Variants in C12orf42 observed in about 807,000 individuals in gnomAD.
C12orf42 encodes chromosome 12 open reading frame 42.
C12orf42 carries 25 observed loss-of-function variants against 21.6 expected under a neutral mutation model. That is an observed-to-expected ratio of 1.16 (90% CI 0.84 to 1.62). The LOEUF is 1.62. Among genes scored for constraint, C12orf42 ranks in the 40% most tolerant of loss-of-function variants. The probability of loss-of-function intolerance (pLI) is 0.00; values close to 1 mark genes in which losing one functional copy is unlikely to be tolerated. For synonymous variants in C12orf42, 174 were observed against 175.0 expected, an observed-to-expected ratio of 0.99 and a Z score of 0.05; for missense variants, 483 against 459.3, an observed-to-expected ratio of 1.05 and a Z score of -0.47.
chr12:103,386,988 A>T (rs10745963), intron 3 of C12orf42, among the ~76,000 whole-genome samples: 86,578 of 152,060 alleles, frequency 0.57, 25,896 homozygotes, highest in Admixed American at 0.69. Context: ...TCCACATCCC[A>T]TTCAAATCCC....
chr12:103,409,228 T>C (rs2048644851), intron 2 of C12orf42, among the ~76,000 whole-genome samples: 1 of 152,174 alleles, frequency 6.6e-6, no homozygotes, highest in East Asian at 1.9e-4. Context: ...TCAGTGGTAA[T>C]GTTAGCAGGG....
chr12:103,072,394 C>T, the C12orf42 span, among the ~76,000 whole-genome samples: 4 of 151,602 alleles, frequency 2.6e-5, no homozygotes, highest in South Asian at 2.1e-4. Context: ...TCATTAATCT[C>T]GGAAACTTCT....
At chr12:103,138,643 A>C in the C12orf42 span, among the ~76,000 whole-genome samples, 1 of 152,150 alleles carries the variant, frequency 6.6e-6, no homozygotes, top group Non-Finnish European at 1.5e-5. Flanking sequence ...AGAAACCAAA[A>C]TTTCTGCACT....
intron 4 of C12orf42, among the ~76,000 whole-genome samples, chr12:103,277,748 C>T (rs1158503050): frequency 1.3e-5 from 2 of 151,954 alleles, no homozygotes; most frequent in South Asian, 2.1e-4. Context: ...ACCTCCTCAG[C>T]AGCTGGGACC....
the C12orf42 span, among the ~76,000 whole-genome samples, chr12:103,192,413 G>A: frequency 6.6e-6 from 1 of 150,620 alleles, no homozygotes; most frequent in East Asian, 2.0e-4. Flanking sequence ...TGAGGCAGGA[G>A]AATCGCTTGA....
At chr12:103,345,616 C>CA (rs2042551589) in intron 4 of C12orf42, among the ~76,000 whole-genome samples, 1 of 151,986 alleles carries the variant, frequency 6.6e-6, no homozygotes, top group Admixed American at 6.6e-5. Context: ...GTAGCCAGAG[C>CA]AATAGTTCAT....
At chr12:103,276,177 T>C (rs2035761887) in intron 5 of C12orf42, among the ~76,000 whole-genome samples, 1 of 152,204 alleles carries the variant, frequency 6.6e-6, no homozygotes, top group Non-Finnish European at 1.5e-5. Context: ...TAAATTTTAA[T>C]GTCAAGGTAA....
At chr12:103,394,348 A>G (rs1391689224) in intron 3 of C12orf42, among the ~76,000 whole-genome samples, 1 of 152,192 alleles carries the variant, frequency 6.6e-6, no homozygotes, top group Admixed American at 6.5e-5. Flanking sequence ...GCTCTTTTCT[A>G]GGCCACAGGT....
intron 2 of C12orf42, among the ~76,000 whole-genome samples, chr12:103,421,777 C>G (rs905139832): frequency 2.0e-5 from 3 of 152,238 alleles, no homozygotes; most frequent in African/African-American, 7.2e-5. Context: ...GAATAAAGAT[C>G]TGATGTCTGC....
the C12orf42 span, among the ~76,000 whole-genome samples, chr12:103,230,081 T>G: frequency 6.6e-6 from 1 of 152,376 alleles, no homozygotes; most frequent in Non-Finnish European, 1.5e-5. Flanking sequence ...TGATCAAATA[T>G]TAATTACATT....
chr12:103,130,044 G>T, the C12orf42 span, among the ~76,000 whole-genome samples: 1 of 151,970 alleles, frequency 6.6e-6, no homozygotes, highest in Non-Finnish European at 1.5e-5. Context: ...CTATCCCAAA[G>T]ATTTGCATTG....
intron 5 of C12orf42, among the ~76,000 whole-genome samples, chr12:103,273,173 A>C (rs2035567646): frequency 6.6e-6 from 1 of 152,136 alleles, no homozygotes; most frequent in African/African-American, 2.4e-5. Context: ...TGGGAGCTAG[A>C]ATCCATATTT....
the C12orf42 span, among the ~76,000 whole-genome samples, chr12:103,223,737 A>C: frequency 6.6e-6 from 1 of 152,138 alleles, no homozygotes; most frequent in Non-Finnish European, 1.5e-5. Context: ...GTCTGCAATG[A>C]GACTGGGGCC....
chr12:103,479,365 G>T (rs1327671807), intron 1 of C12orf42, among the ~76,000 whole-genome samples: 2 of 151,950 alleles, frequency 1.3e-5, no homozygotes, highest in Non-Finnish European at 2.9e-5. Context: ...GGTGTTAAAG[G>T]GTTGAAAAAG....
At chr12:103,093,400 G>T in the C12orf42 span, among the ~76,000 whole-genome samples, 1 of 152,166 alleles carries the variant, frequency 6.6e-6, no homozygotes, top group Non-Finnish European at 1.5e-5. Flanking sequence ...TGGCAGTAAA[G>T]AAATTCCACA....
chr12:103,239,261 C>T (rs888057645), intron 10 of C12orf42, among the ~76,000 whole-genome samples: 5 of 152,160 alleles, frequency 3.3e-5, no homozygotes, highest in Admixed American at 3.3e-4. Flanking sequence ...TTGTCAGCAT[C>T]ATCATCTTTG....
At chr12:103,295,924 T>A (rs1372170376) in intron 4 of C12orf42, among the ~76,000 whole-genome samples, 1 of 152,040 alleles carries the variant, frequency 6.6e-6, no homozygotes, top group East Asian at 1.9e-4. Flanking sequence ...GCAGGTTTGT[T>A]ACATATGTAT....
At chr12:103,237,349 A>C (rs764033055), downstream of C12orf42, among the ~76,000 whole-genome samples, 1 of 152,190 alleles carries the variant, frequency 6.6e-6, no homozygotes. Context: ...ATGACAGACA[A>C]TATTGGCACA....
chr12:103,514,383 G>A, the C12orf42 span, among the ~76,000 whole-genome samples: 4 of 152,182 alleles, frequency 2.6e-5, no homozygotes, highest in African/African-American at 9.7e-5. Flanking sequence ...GGAAGAAACT[G>A]CAAGATGGAT....
Sources: allele counts gnomAD v4.1 joint callset (sites outside exome capture counted in the v4.1 genomes callset), GRCh38; gene constraint gnomAD v4.1.1; transcripts MANE v1.5; gene names NCBI Gene and HGNC (gene_info 2026-07-23, HGNC 2026-07-21).